Variants in LARS1 observed in about 807,000 individuals in gnomAD.
LARS1 encodes the protein leucyl-tRNA synthetase 1, also known as leucine--tRNA ligase, cytoplasmic.
A neutral mutation model predicts 162.8 loss-of-function variants in LARS1; 100 were observed. The observed-to-expected ratio is 0.61, with a 90% CI of 0.52 to 0.73. The LOEUF is 0.73. Among genes scored for constraint, LARS1 ranks in the 30% least tolerant of loss-of-function variants. LARS1 has a pLI of 0.00. For missense variants in LARS1, 1,258 were observed against 1,408.9 expected, an observed-to-expected ratio of 0.89 and a Z score of 1.71; for synonymous variants, 457 against 462.8, an observed-to-expected ratio of 0.99 and a Z score of 0.16.
At chr5:146,148,962 C>T (rs1467110728) in intron 15 of LARS1, among the ~76,000 whole-genome samples, 1 of 152,102 alleles carries the variant, frequency 6.6e-6, no homozygotes, top group Admixed American at 6.5e-5. Flanking sequence ...GTTATTCCAG[C>T]TACTCAGGAG....
In LARS1 at chr5:146,129,040, T is replaced by G. The variant is rs1375823585; in HGVS notation, c.2707A>C (p.Met903Leu). 6.2e-7 allele frequency: 1 copy of G among 1,611,726 alleles called. No individual in the cohort carries two copies. Among genetic ancestry groups the G allele is most frequent in the South Asian group, 1.1e-5 (1 of 90,862 alleles). The change falls in exon 26 of 32, where the codon ATG becomes CTG. Residue 903 changes from methionine to leucine, a missense_variant. Physicochemically the swap from Met to Leu is conservative, Grantham distance 15. Coordinates refer to ENST00000394434, the MANE Select transcript of LARS1 (RefSeq NM_020117.11). ...AGTCTAAGGTCATGTGTTACTTCCA[T>G]AAGATACTGTGAGGAGTGTATTAAA... ...EVLIHSSQYLMEVTHDLRLRL... is the reference protein window; with the variant it reads ...EVLIHSSQYLLEVTHDLRLRL...
In LARS1 at chr5:146,125,032, AT is replaced by A. The variant is rs1412495224; in HGVS notation, c.2992-947del. Reference sequence around the variant, plus strand: ...ACACACACACGCACACACACACTCTATATATATATACATATACACATAACTA... The same window carrying A: ...ACACACACACGCACACACACACTCTAATATATATACATATACACATAACTA... On this transcript the variant is annotated intron_variant, in intron 28 of 31. Coordinates refer to ENST00000394434, the MANE Select transcript of LARS1 (RefSeq NM_020117.11). Among the ~76,000 whole-genome samples, 3 of 141,858 alleles carry A rather than the reference AT, an allele frequency of 2.1e-5. No individual in the cohort carries two copies. The East Asian group carries it at 6.2e-4, about 29-fold the overall frequency. 93.1% of individuals were successfully genotyped at this position (141,858 alleles called of 152,430 possible).
chr5:146,168,389 G>A (rs1754115895), intron 4 of LARS1, 124 bp from the exon 5 acceptor site: 1 of 963,228 alleles, frequency 1.0e-6, no homozygotes, highest in Non-Finnish European at 1.5e-6. Flanking sequence ...ATACCTATGT[G>A]GCTCCACTAC....
intron 10 of LARS1, among the ~76,000 whole-genome samples, chr5:146,155,446 A>T (rs547231012): frequency 6.6e-6 from 1 of 152,328 alleles, no homozygotes; most frequent in South Asian, 2.1e-4. Context: ...GGTACTATAC[A>T]TCTATTTAAA....
At chr5:146,140,860 C>A (rs749425136) in intron 20 of LARS1, among the ~76,000 whole-genome samples, 9 of 152,022 alleles carry the variant, frequency 5.9e-5, no homozygotes, top group Non-Finnish European at 1.2e-4. Context: ...TATATATACA[C>A]ACACACACAT....
At chr5:146,133,127 G>A (rs1356414857) in intron 22 of LARS1, 46 bp from the exon 23 acceptor site, 2 of 1,548,528 alleles carry the variant, frequency 1.3e-6, no homozygotes, top group Admixed American at 1.7e-5. Context: ...TATGGTTACT[G>A]AGTATCAACT....
chr5:146,150,090 C>T (rs1581050206), intron 14 of LARS1, among the ~76,000 whole-genome samples: 1 of 152,268 alleles, frequency 6.6e-6, no homozygotes, highest in East Asian at 1.9e-4. Flanking sequence ...CTTTCTAACC[C>T]CACCTGCTGC....
chr5:146,179,457 C>T (rs771400599), intron 1 of LARS1, among the ~76,000 whole-genome samples: 6 of 152,034 alleles, frequency 3.9e-5, no homozygotes, highest in South Asian at 4.1e-4. Flanking sequence ...CCACCCAGCC[C>T]GGTCTGTAAA....
chr5:146,139,110 A>AG (rs995428944), intron 21 of LARS1: 1 of 235,758 alleles, frequency 4.2e-6, no homozygotes, highest in Non-Finnish European at 8.4e-6. Flanking sequence ...TGGGAAGCTG[A>AG]GGCAGGCGAT....
intron 15 of LARS1, among the ~76,000 whole-genome samples, chr5:146,145,467 T>C (rs1752972780): frequency 6.6e-6 from 1 of 152,292 alleles, no homozygotes; most frequent in Admixed American, 6.5e-5. Flanking sequence ...ATCTTGTTAC[T>C]AAAGATTTAT....
chr5:146,153,427 G>A lies in LARS1; in HGVS notation c.1231-200C>T, dbSNP rs78678098. On this transcript the variant is annotated intron_variant, in intron 12 of 31. Coordinates refer to ENST00000394434, the MANE Select transcript of LARS1 (RefSeq NM_020117.11). The stretch of plus-strand genomic sequence containing the variant: ...CAAAAATTTAATAGCTAAAGTTATA[G>A]TGAATAGCCTAAATGAAACCACACA... 3.5e-3 allele frequency among the ~76,000 whole-genome samples: 535 copies of A among 152,284 alleles called. 2 individuals carry two copies. The highest frequency in any genetic ancestry group is 0.013 in the African/African-American group (520 of 41,552).
At position 146,153,230 on chromosome 5, in the gene LARS1, A is replaced by G. The variant is rs767772055; in HGVS notation, c.1231-3T>C. 1.9e-6 allele frequency: 3 copies of G among 1,611,620 alleles called. No homozygotes were observed. Among genetic ancestry groups the G allele is most frequent in the Admixed American group, 1.7e-5 (1 of 59,962 alleles). On this transcript the variant is annotated splice_region_variant and splice_polypyrimidine_tract_variant and intron_variant, in intron 12 of 31. Transcript: ENST00000394434. The stretch of plus-strand genomic sequence containing the variant: ...ATTCCATATTTTGCTCGTAAGGCCT[A>G]CAGAAAAATTTGCAAGTTAACACTA...
At position 146,160,457 on chromosome 5, in the gene LARS1, A is replaced by G. The variant is rs1241559110; in HGVS notation, c.624T>C (p.Thr208=). Residue 208 remains threonine (T), a synonymous_variant, in exon 7 of 32, where the codon ACT becomes ACC. Coordinates refer to ENST00000394434, the MANE Select transcript of LARS1 (RefSeq NM_020117.11). Reference sequence around the variant, plus strand: ...ATGAATCATAGTAAGGATTAACATCAGTGGTGATGAAGGAACGACGCCAGT... The same window carrying G: ...ATGAATCATAGTAAGGATTAACATCGGTGGTGATGAAGGAACGACGCCAGT... The part of the protein sequence containing the change: ...KVDWRRSFIT[T]DVNPYYDSFV... The G allele has an allele frequency of 6.4e-7, 1 of 1,571,362 alleles. No homozygotes were observed.
At chr5:146,167,680 C>T (rs1284965841) in intron 5 of LARS1, among the ~76,000 whole-genome samples, 3 of 151,390 alleles carry the variant, frequency 2.0e-5, no homozygotes, top group Non-Finnish European at 4.4e-5. Context: ...AGGCGTGAGC[C>T]ACCACGCCCG....
chr5:146,175,044 C>A (rs751573126), intron 2 of LARS1, among the ~76,000 whole-genome samples: 32 of 152,010 alleles, frequency 2.1e-4, no homozygotes, highest in Non-Finnish European at 4.6e-4. Context: ...CATAACAAGA[C>A]CCCATTTCTA....
intron 8 of LARS1, among the ~76,000 whole-genome samples, chr5:146,158,707 A>G (rs980519321): frequency 1.3e-5 from 2 of 152,200 alleles, no homozygotes; most frequent in African/African-American, 2.4e-5. Flanking sequence ...ATATCTTATT[A>G]CCTCTCCCCA....
Position 146,134,222 on chromosome 5 carries a change from C to A in LARS1, c.2213-1141G>T, listed in dbSNP as rs547126614. Among the ~76,000 whole-genome samples the A allele has an allele frequency of 7.2e-5, 11 of 152,230 alleles. No homozygotes were observed. In the East Asian group the frequency reaches 1.5e-3, roughly 21 times the overall value. On this transcript the variant is annotated intron_variant, in intron 22 of 31. Coordinates refer to ENST00000394434, the MANE Select transcript of LARS1 (RefSeq NM_020117.11). ...CTTTTATCACCAAATCCAATCTGAC[C>A]CCATAGGGCTCATTCTAGCATTTTC...
chr5:146,164,530 G>T (rs1581072777), intron 5 of LARS1, 59 bp from the exon 6 acceptor site: 2 of 1,493,992 alleles, frequency 1.3e-6, no homozygotes, highest in South Asian at 2.3e-5. Flanking sequence ...CCAGGAAAAT[G>T]ACCCAAGATA....
At chr5:146,165,799 G>C (rs1416601338) in intron 5 of LARS1, among the ~76,000 whole-genome samples, 1 of 152,108 alleles carries the variant, frequency 6.6e-6, no homozygotes, top group Non-Finnish European at 1.5e-5. Context: ...AGGGGTATAG[G>C]TTGGCAATTC....
Sources: allele counts gnomAD v4.1 joint callset (sites outside exome capture counted in the v4.1 genomes callset), GRCh38; gene constraint gnomAD v4.1.1; transcripts MANE v1.5; gene names NCBI Gene and HGNC (gene_info 2026-07-23, HGNC 2026-07-21).